Variants in RREB1 observed in about 807,000 individuals in gnomAD.
RREB1 encodes ras-responsive element-binding protein 1.
RREB1 carries 27 observed loss-of-function variants against 117.8 expected under a neutral mutation model. The observed-to-expected ratio is 0.23, with a 90% CI of 0.17 to 0.32. RREB1 has a LOEUF of 0.32. Among genes scored for constraint, RREB1 ranks in the 10% least tolerant of loss-of-function variants. The pLI is 1.00. For missense variants in RREB1, 2,577 were observed against 2,378.2 expected (o/e 1.08, Z -1.74); for synonymous variants, 1,298 against 1,026.7 (o/e 1.26, Z -5.05).
In RREB1 at chr6:7,211,087, G is replaced by A. The variant is rs1766561387; in HGVS notation, c.570+139G>A. 1.7e-5 allele frequency: 14 copies of A among 841,510 alleles called. 1 individual carries two copies. The East Asian group carries it at 3.4e-4, about 20-fold the overall frequency. The allele number at this position is 841,510 out of a possible 1,614,324, so 52.1% of individuals were successfully genotyped here. ...ACGTGTGTTTTCCCATACTGTTTCTGTAAAGTGTCTAAGAAAAGAGTACCA... is the reference window on the plus strand; with the variant it reads ...ACGTGTGTTTTCCCATACTGTTTCTATAAAGTGTCTAAGAAAAGAGTACCA... On this transcript the variant is annotated intron_variant, in intron 7 of 12. Transcript: ENST00000379938.
Position 7,248,518 on chromosome 6 carries a change from G to A in RREB1, c.4779G>A (p.Arg1593=), listed in dbSNP as rs1286168957. The change falls in exon 13 of 13, where the codon AGG becomes AGA. Residue 1593 remains arginine, a synonymous_variant. Coordinates refer to ENST00000379938, the MANE Select transcript of RREB1 (RefSeq NM_001003699.4). ...TRHMRSHTGE[R]PYKCQTCERT... is the part of the protein sequence containing the mutation. ...TTTCTTCCATTGTTCCAGGGGAAAG[G>A]CCATACAAATGTCAGACCTGCGAGC... is the stretch of plus-strand genomic sequence containing the variant. 1.9e-6 allele frequency: 3 copies of A among 1,614,056 alleles called. No homozygotes were observed. The highest frequency in any genetic ancestry group is 2.5e-6 in the Non-Finnish European group (3 of 1,179,902).
intron 1 of RREB1, among the ~76,000 whole-genome samples, chr6:7,173,849 G>A (rs1303288713): frequency 1.3e-5 from 2 of 152,096 alleles, no homozygotes; most frequent in Non-Finnish European, 2.9e-5. Context: ...AAGCTGGGAT[G>A]CAGCCCTTAT....
intron 6 of RREB1, among the ~76,000 whole-genome samples, chr6:7,205,794 A>G (rs1167248644): frequency 1.3e-5 from 2 of 152,164 alleles, no homozygotes; most frequent in East Asian, 1.9e-4. Flanking sequence ...CTTACAGACA[A>G]CCTACCCTGC....
chr6:7,183,316 A>G, intron 4 of RREB1: 1 of 152,336 alleles, frequency 6.6e-6, no homozygotes, highest in Non-Finnish European at 1.5e-5. Flanking sequence ...TCTGAGAAGA[A>G]AAGGTTTATT....
intron 1 of RREB1, among the ~76,000 whole-genome samples, chr6:7,116,749 C>A (rs1209693577): frequency 6.6e-6 from 1 of 152,142 alleles, no homozygotes; most frequent in East Asian, 1.9e-4. Flanking sequence ...TTTTGAATTA[C>A]AGAAATTCTA....
At chr6:7,194,236 T>C (rs1017706838) in intron 6 of RREB1, among the ~76,000 whole-genome samples, 1 of 152,206 alleles carries the variant, frequency 6.6e-6, no homozygotes, top group Non-Finnish European at 1.5e-5. Context: ...ATTTTGGAGT[T>C]GTTTATAAAT....
chr6:7,246,701 C>A lies in RREB1; in HGVS notation c.4251C>A (p.Asp1417Glu), dbSNP rs368455773. ...EEDASSNQSLDLDFATKLMDF... is the reference protein window; with the variant it reads ...EEDASSNQSLELDFATKLMDF... ...ACGCGTCGAGCAACCAGAGCCTGGA[C>A]CTGGACTTCGCCACCAAGCTCATGG... The change falls in exon 12 of 13, where the codon GAC becomes GAA. Residue 1417 changes from aspartate to glutamate, a missense_variant. Transcript: ENST00000379938. 19 of 1,584,656 alleles carry A rather than the reference C, an allele frequency of 1.2e-5. No homozygotes were observed. The African/African-American group carries it at 2.0e-4, about 17-fold the overall frequency.
intron 6 of RREB1, among the ~76,000 whole-genome samples, chr6:7,208,588 G>A (rs186309809): frequency 6.6e-6 from 1 of 152,358 alleles, no homozygotes; most frequent in East Asian, 1.9e-4. Flanking sequence ...GAGAACTGGA[G>A]TGAGCCGCTG....
chr6:7,216,936 C>T (rs1766934988), intron 8 of RREB1: 1 of 152,460 alleles, frequency 6.6e-6, no homozygotes, highest in Non-Finnish European at 1.5e-5. Flanking sequence ...CACTACACAC[C>T]CTTTGTGAAG....
intron 1 of RREB1, among the ~76,000 whole-genome samples, chr6:7,114,978 T>C (rs1374542948): frequency 2.1e-5 from 3 of 141,336 alleles, no homozygotes. Flanking sequence ...TTCTAAGTTA[T>C]GTGGAGTATA....
intron 8 of RREB1, among the ~76,000 whole-genome samples, chr6:7,221,132 G>C (rs1222571378): frequency 1.3e-5 from 2 of 152,086 alleles, no homozygotes; most frequent in East Asian, 3.9e-4. Context: ...CTATCAACAG[G>C]TGCTGAGTGT....
At chr6:7,108,571 C>G (rs1191334220) in intron 1 of RREB1, 5 of 152,538 alleles carry the variant, frequency 3.3e-5, no homozygotes, top group Non-Finnish European at 7.3e-5. Flanking sequence ...TGCTCTCCAT[C>G]TTCCGCCCTC....
intron 6 of RREB1, among the ~76,000 whole-genome samples, chr6:7,198,923 G>A (rs965739154): frequency 6.6e-6 from 1 of 152,074 alleles, no homozygotes; most frequent in Non-Finnish European, 1.5e-5. Context: ...CACTAGATAA[G>A]ACATGGAGAA....
At chr6:7,108,489 G>T (rs1306448802) in intron 1 of RREB1, 1 of 151,940 alleles carries the variant, frequency 6.6e-6, no homozygotes, top group Non-Finnish European at 1.5e-5. Context: ...GCGCCGCCGA[G>T]TTTATTTTTA....
chr6:7,241,637 T>C (rs1768712268), intron 11 of RREB1, among the ~76,000 whole-genome samples: 1 of 152,156 alleles, frequency 6.6e-6, no homozygotes, highest in African/African-American at 2.4e-5. Flanking sequence ...TGGGCATTAA[T>C]CTTAGCCCCT....
intron 1 of RREB1, among the ~76,000 whole-genome samples, chr6:7,124,332 A>T (rs1761816339): frequency 6.6e-6 from 1 of 152,098 alleles, no homozygotes; most frequent in Non-Finnish European, 1.5e-5. Flanking sequence ...TGTGGTTAGC[A>T]TTGGCCAAAT....
intron 12 of RREB1, among the ~76,000 whole-genome samples, 187 bp from the exon 13 acceptor site, chr6:7,248,324 C>G (rs547172106): frequency 6.6e-6 from 1 of 152,322 alleles, no homozygotes; most frequent in African/African-American, 2.4e-5. Flanking sequence ...AGACTGACAG[C>G]TTGAACCAGC....
chr6:7,194,223 T>G (rs186849420), intron 6 of RREB1, among the ~76,000 whole-genome samples: 194 of 152,330 alleles, frequency 1.3e-3, no homozygotes, highest in South Asian at 4.4e-3. Flanking sequence ...TTATGGTCAT[T>G]GTATTTTGGA....
At chr6:7,142,634 C>G (rs1266654141) in intron 1 of RREB1, among the ~76,000 whole-genome samples, 1 of 152,234 alleles carries the variant, frequency 6.6e-6, no homozygotes, top group Non-Finnish European at 1.5e-5. Context: ...GAGCTGGCGC[C>G]TCTGCAGCCA....
Sources: gnomAD v4.1 joint callset for allele counts (sites outside exome capture counted in the v4.1 genomes callset) on GRCh38, gnomAD v4.1.1 for gene constraint, MANE v1.5 for transcripts, NCBI Gene and HGNC (gene_info 2026-07-23, HGNC 2026-07-21) for gene names.